STARD13: variants seen among roughly 807,000 people sequenced by gnomAD.
STARD13 encodes stAR-related lipid transfer protein 13.
STARD13 carries 62 observed loss-of-function variants against 106.4 expected under a neutral mutation model. The ratio of observed to expected loss-of-function variants is 0.58; its 90% CI spans 0.48 to 0.72. STARD13 has a LOEUF of 0.72. Among genes scored for constraint, STARD13 ranks in the 30% least tolerant of loss-of-function variants. The pLI is 0.00. For synonymous variants in STARD13, 565 were observed against 553.0 expected (o/e 1.02, Z -0.31); for missense variants, 1,387 against 1,424.0 (o/e 0.97, Z 0.42).
intron 1 of STARD13, among the ~76,000 whole-genome samples, chr13:33,187,242 G>T (rs569644121): frequency 3.3e-5 from 5 of 152,128 alleles, no homozygotes; most frequent in Non-Finnish European, 5.9e-5. Flanking sequence ...GAGGGGGAAG[G>T]GTCCCGCTCT....
At chr13:33,581,094 T>G in the STARD13 span, among the ~76,000 whole-genome samples, 1 of 152,156 alleles carries the variant, frequency 6.6e-6, no homozygotes, top group African/African-American at 2.4e-5. Flanking sequence ...GACAATTAAT[T>G]TTGAAATTAG....
intron 3 of STARD13, among the ~76,000 whole-genome samples, chr13:33,156,819 G>T (rs193053271): frequency 1.3e-5 from 2 of 152,198 alleles, no homozygotes; most frequent in East Asian, 3.9e-4. Context: ...GTGTTTTAAA[G>T]AAATAAAATA....
chr13:33,390,808 A>G, the STARD13 span, among the ~76,000 whole-genome samples: 1 of 152,166 alleles, frequency 6.6e-6, no homozygotes, highest in African/African-American at 2.4e-5. Flanking sequence ...TACATTTTGC[A>G]CACTGGGCCA....
intron 1 of STARD13, among the ~76,000 whole-genome samples, chr13:33,172,833 A>G (rs1884124032): frequency 6.6e-6 from 1 of 152,214 alleles, no homozygotes; most frequent in Non-Finnish European, 1.5e-5. Flanking sequence ...AAAGTTTATG[A>G]AATCATTACA....
the STARD13 span, among the ~76,000 whole-genome samples, chr13:33,365,860 C>T: frequency 2.0e-5 from 3 of 152,144 alleles, no homozygotes; most frequent in Non-Finnish European, 4.4e-5. Flanking sequence ...TGCTGCTGCT[C>T]ACAAATCCCT....
intron 3 of STARD13, among the ~76,000 whole-genome samples, chr13:33,150,915 A>G (rs1319433830): frequency 6.6e-6 from 1 of 152,236 alleles, no homozygotes; most frequent in Non-Finnish European, 1.5e-5. Context: ...TGCGCTGTGT[A>G]CCAGGAATAA....
At chr13:33,648,967 T>C in the STARD13 span, among the ~76,000 whole-genome samples, 146 of 151,226 alleles carry the variant, frequency 9.7e-4, no homozygotes, top group African/African-American at 3.4e-3. Flanking sequence ...TAATTTTGTA[T>C]TTTTTTTAGT....
chr13:33,381,381 T>TA, the STARD13 span, among the ~76,000 whole-genome samples: 16 of 152,320 alleles, frequency 1.1e-4, no homozygotes, highest in African/African-American at 3.6e-4. Context: ...GCTATATACA[T>TA]ATGGGCACAT....
chr13:33,215,857 A>G (rs1433454778), intron 1 of STARD13, among the ~76,000 whole-genome samples: 2 of 152,226 alleles, frequency 1.3e-5, no homozygotes, highest in African/African-American at 4.8e-5. Flanking sequence ...AACTCAAACA[A>G]GTTAGCAAGA....
intron 13 of STARD13, 114 bp from the exon 14 acceptor site, chr13:33,105,824 G>T: frequency 1.2e-6 from 1 of 827,350 alleles, no homozygotes; most frequent in Non-Finnish European, 2.1e-6. Context: ...CCTGCAGACA[G>T]CTCGGGCTGC....
At chr13:33,187,295 AT>A (rs937109269) in intron 1 of STARD13, among the ~76,000 whole-genome samples, 1 of 152,084 alleles carries the variant, frequency 6.6e-6, no homozygotes, top group Non-Finnish European at 1.5e-5. Context: ...CCCACTTTTG[AT>A]TTTTTTGAGA....
At chr13:33,190,785 C>T (rs2555599) in intron 1 of STARD13, among the ~76,000 whole-genome samples, 3,049 of 152,144 alleles carry the variant, frequency 0.02, 90 homozygotes, top group African/African-American at 0.066. Flanking sequence ...GGAGTTTTAC[C>T]ATGTTGGCCA....
At chr13:33,221,101 T>C (rs1264076925) in intron 1 of STARD13, among the ~76,000 whole-genome samples, 2 of 152,102 alleles carry the variant, frequency 1.3e-5, no homozygotes, top group Admixed American at 6.5e-5. Flanking sequence ...TGTGGTGAAA[T>C]AAACCTAACA....
At chr13:33,495,055 C>T in the STARD13 span, among the ~76,000 whole-genome samples, 3 of 151,578 alleles carry the variant, frequency 2.0e-5, no homozygotes, top group African/African-American at 4.8e-5. Context: ...CCTACACTTC[C>T]GCTAGCTCTG....
chr13:33,466,120 G>A, the STARD13 span, among the ~76,000 whole-genome samples: 3 of 152,200 alleles, frequency 2.0e-5, no homozygotes, highest in East Asian at 5.8e-4. Context: ...CAAGCACTTA[G>A]CATTGTTTAG....
intron 10 of STARD13, 48 bp from the exon 11 acceptor site, chr13:33,110,955 G>T: frequency 6.5e-7 from 1 of 1,533,594 alleles, no homozygotes. Context: ...CCAAAGAAAC[G>T]CCGAGACTCA....
At chr13:33,480,219 A>G in the STARD13 span, among the ~76,000 whole-genome samples, 6 of 152,310 alleles carry the variant, frequency 3.9e-5, no homozygotes, top group South Asian at 2.1e-4. Flanking sequence ...GAGCAAGGAA[A>G]TGGGGTGGAA....
At chr13:33,232,055 G>T (rs1409209264) in intron 1 of STARD13, among the ~76,000 whole-genome samples, 1 of 152,214 alleles carries the variant, frequency 6.6e-6, no homozygotes, top group Non-Finnish European at 1.5e-5. Flanking sequence ...GCTCATGCCT[G>T]TAATCCAAGC....
chr13:33,421,365 G>A, the STARD13 span, among the ~76,000 whole-genome samples: 1 of 152,022 alleles, frequency 6.6e-6, no homozygotes, highest in African/African-American at 2.4e-5. Context: ...ATAAATTCCT[G>A]GACACATCCA....
Sources: gnomAD v4.1 joint callset for allele counts (sites outside exome capture counted in the v4.1 genomes callset) on GRCh38, gnomAD v4.1.1 for gene constraint, MANE v1.5 for transcripts, NCBI Gene and HGNC (gene_info 2026-07-23, HGNC 2026-07-21) for gene names.